Variants in PARVA observed in about 807,000 individuals in gnomAD.
PARVA encodes parvin alpha.
Under a neutral mutation model 52.6 loss-of-function variants are expected in PARVA, and 25 were observed. That is an observed-to-expected ratio of 0.48 (90% CI 0.35 to 0.66). PARVA has a LOEUF of 0.66. Ranked by LOEUF, PARVA falls within the 30% of genes least tolerant of loss-of-function variation. PARVA has a pLI of 0.01. For missense variants in PARVA, 373 were observed against 450.9 expected (o/e 0.83, Z 1.56); for synonymous variants, 185 against 179.1 (o/e 1.03, Z -0.26).
At chr11:12,510,428 T>C (rs1225046959) in intron 7 of PARVA, among the ~76,000 whole-genome samples, 1 of 152,190 alleles carries the variant, frequency 6.6e-6, no homozygotes, top group East Asian at 1.9e-4. Context: ...AATCACAACA[T>C]CTGATTTAAG....
intron 5 of PARVA, among the ~76,000 whole-genome samples, chr11:12,498,605 C>T (rs1354933828): frequency 5.1e-5 from 7 of 138,164 alleles, no homozygotes; most frequent in East Asian, 4.3e-4. Flanking sequence ...GATGGAGTCT[C>T]GCTCTGTTGC....
intron 10 of PARVA, among the ~76,000 whole-genome samples, chr11:12,517,319 C>CACCCCCT (rs1941581249): frequency 7.3e-6 from 1 of 136,650 alleles, no homozygotes; most frequent in South Asian, 2.9e-4. Flanking sequence ...CCCCACCCCC[C>CACCCCCT]ACCCCCCACC....
Position 12,533,190 on chromosome 11 carries a change from G to T in PARVA, c.*5265G>T, listed in dbSNP as rs192767315. ...GTCCTGAGAAGAGCTAGGGGAACTG[G>T]ACAGAGTGGACGAGGCTGCATGTGT... On this transcript the variant is annotated 3_prime_UTR_variant, in exon 13 of 13. Coordinates refer to ENST00000334956, the MANE Select transcript of PARVA (RefSeq NM_018222.5). Among the ~76,000 whole-genome samples the T allele has an allele frequency of 2.1e-3, 323 of 152,296 alleles. 1 individual carries two copies. The highest frequency in any genetic ancestry group is 7.5e-3 in the African/African-American group (311 of 41,564).
At chr11:12,393,828 C>T (rs1199554288) in intron 1 of PARVA, among the ~76,000 whole-genome samples, 1 of 152,196 alleles carries the variant, frequency 6.6e-6, no homozygotes, top group African/African-American at 2.4e-5. Flanking sequence ...CCCAGACAGT[C>T]TGGCTCCAGA....
intron 1 of PARVA, among the ~76,000 whole-genome samples, chr11:12,447,180 C>T (rs1009045732): frequency 6.6e-6 from 1 of 152,158 alleles, no homozygotes; most frequent in African/African-American, 2.4e-5. Context: ...CATGACACAA[C>T]CCTGCCATGT....
rs1416328797 is a variant in PARVA, at chr11:12,508,680, G to GA, written c.716+40dup. ...CATTGTTGCCAGCGATTCTGTAATG[G>GA]AACACAGATGTTTCTCTGAAATTCA... On this transcript the variant is annotated intron_variant, in intron 7 of 12. Coordinates refer to ENST00000334956, the MANE Select transcript of PARVA (RefSeq NM_018222.5). 4.2e-5 allele frequency: 59 copies of GA among 1,397,500 alleles called. No homozygotes were observed. The Admixed American group carries it at 1.0e-3, about 24-fold the overall frequency. The allele number at this position is 1,397,500 out of a possible 1,614,324, so 86.6% of individuals were successfully genotyped here. A position where few individuals can be genotyped will look rare whatever the true frequency, so the allele number is the denominator to read the frequency against.
chr11:12,443,660 G>A (rs1940502060), intron 1 of PARVA, among the ~76,000 whole-genome samples: 1 of 150,954 alleles, frequency 6.6e-6, no homozygotes, highest in South Asian at 2.1e-4. Context: ...TCTCAACCAT[G>A]TTTCTAGGCT....
chr11:12,419,777 T>C (rs1221381951), intron 1 of PARVA, among the ~76,000 whole-genome samples: 1 of 152,158 alleles, frequency 6.6e-6, no homozygotes, highest in Non-Finnish European at 1.5e-5. Flanking sequence ...CCAATACTTA[T>C]TGTTATTTTT....
At chr11:12,521,042 A>G (rs1217193180) in intron 12 of PARVA, among the ~76,000 whole-genome samples, 1 of 152,228 alleles carries the variant, frequency 6.6e-6, no homozygotes, top group East Asian at 1.9e-4. Context: ...CCACCCTGTT[A>G]TCACCTTTCA....
intron 4 of PARVA, among the ~76,000 whole-genome samples, chr11:12,495,945 T>C (rs1941292968): frequency 6.6e-6 from 1 of 152,134 alleles, no homozygotes; most frequent in Non-Finnish European, 1.5e-5. Flanking sequence ...TGTTAAAATG[T>C]GAAAAATATG....
intron 1 of PARVA, among the ~76,000 whole-genome samples, chr11:12,383,460 A>G (rs1381984976): frequency 1.3e-5 from 2 of 152,230 alleles, no homozygotes; most frequent in Non-Finnish European, 2.9e-5. Flanking sequence ...TCAGGACCTG[A>G]GGTATCCAAT....
chr11:12,484,808 C>CTT (rs1177057401), intron 4 of PARVA, among the ~76,000 whole-genome samples: 52 of 102,624 alleles, frequency 5.1e-4, no homozygotes, highest in Non-Finnish European at 7.1e-4. Context: ...TTTTTGTTGA[C>CTT]TTTTTTTTTT....
chr11:12,516,375 T>A (rs1326198571), intron 10 of PARVA, among the ~76,000 whole-genome samples: 1 of 152,186 alleles, frequency 6.6e-6, no homozygotes, highest in Admixed American at 6.5e-5. Context: ...CTGACCTCTA[T>A]GTCTTTGCTA....
At chr11:12,383,669 C>A (rs1312942590) in intron 1 of PARVA, among the ~76,000 whole-genome samples, 1 of 152,138 alleles carries the variant, frequency 6.6e-6, no homozygotes, top group Non-Finnish European at 1.5e-5. Context: ...CAAAGTACAT[C>A]TTTTTCTGTA....
rs531830709 is a variant in PARVA, at chr11:12,535,051, T to A, written c.*7126T>A. On this transcript the variant is annotated 3_prime_UTR_variant, in exon 13 of 13. Transcript: ENST00000334956. ...CATGAGCTCCTCATCTCTTCTCTGTTCTGAGCTCTCTGATCCACTGCACTT... is the reference window on the plus strand; with the variant it reads ...CATGAGCTCCTCATCTCTTCTCTGTACTGAGCTCTCTGATCCACTGCACTT... Among the ~76,000 whole-genome samples, 2 of 152,360 alleles carry A rather than the reference T, an allele frequency of 1.3e-5. No homozygotes were observed. Among genetic ancestry groups the A allele is most frequent in the African/African-American group, 4.8e-5 (2 of 41,588 alleles).
chr11:12,417,289 T>C (rs959475364), intron 1 of PARVA, among the ~76,000 whole-genome samples: 1 of 152,188 alleles, frequency 6.6e-6, no homozygotes, highest in Non-Finnish European at 1.5e-5. Flanking sequence ...TATGAAAAGA[T>C]TGGTTAAATA....
chr11:12,451,232 TTG>T (rs1329186064), intron 1 of PARVA, among the ~76,000 whole-genome samples: 1 of 152,224 alleles, frequency 6.6e-6, no homozygotes, highest in Non-Finnish European at 1.5e-5. Flanking sequence ...TGGAAGTTTA[TTG>T]AGAGTTCTCT....
rs151329962 is a variant in PARVA, at chr11:12,456,645, C to G, written c.137-17100C>G. 4.6e-3 allele frequency among the ~76,000 whole-genome samples: 703 copies of G among 152,184 alleles called. 4 individuals are homozygous for G. Among genetic ancestry groups the G allele is most frequent in the African/African-American group, 0.015 (637 of 41,522 alleles). On this transcript the variant is annotated intron_variant, in intron 1 of 12. Transcript: ENST00000334956. Reference sequence around the variant, plus strand: ...TCCAGCAAACCTTCCCAAAAATGTTCCCTGTTCTCATGTCTCCAGCCCTTT... The same window carrying G: ...TCCAGCAAACCTTCCCAAAAATGTTGCCTGTTCTCATGTCTCCAGCCCTTT...
intron 4 of PARVA, among the ~76,000 whole-genome samples, chr11:12,491,536 C>T (rs1008173078): frequency 6.6e-6 from 1 of 152,076 alleles, no homozygotes; most frequent in Non-Finnish European, 1.5e-5. Flanking sequence ...ATTATGTATA[C>T]AGGACTAATT....
Sources: gnomAD v4.1 joint callset for allele counts (sites outside exome capture counted in the v4.1 genomes callset) on GRCh38, gnomAD v4.1.1 for gene constraint, MANE v1.5 for transcripts, NCBI Gene and HGNC (gene_info 2026-07-23, HGNC 2026-07-21) for gene names.